Variants in COX16 observed in about 807,000 individuals in gnomAD.
The protein encoded by COX16 is cytochrome c oxidase assembly protein COX16 homolog, mitochondrial.
Under a neutral mutation model 15.4 loss-of-function variants are expected in COX16, and 12 were observed. That is an observed-to-expected ratio of 0.78 (90% CI 0.50 to 1.26). The LOEUF (loss-of-function observed/expected upper bound fraction) is 1.26. Ranked by LOEUF, COX16 falls within the 50% of genes most tolerant of loss-of-function variation. COX16 has a pLI of 0.00. For missense variants in COX16, 124 were observed against 127.6 expected (o/e 0.97, Z 0.14); for synonymous variants, 46 against 41.1 (o/e 1.12, Z -0.46).
At chr14:70,336,843 C>T (rs1169373338) in intron 2 of COX16, among the ~76,000 whole-genome samples, 2 of 152,252 alleles carry the variant, frequency 1.3e-5, no homozygotes, top group South Asian at 4.1e-4. Flanking sequence ...ATTTTCTGTA[C>T]AAAATTTATC....
At chr14:70,328,601 TTCA>T (rs1886170621) in intron 3 of COX16, among the ~76,000 whole-genome samples, 1 of 142,658 alleles carries the variant, frequency 7.0e-6, no homozygotes, top group Non-Finnish European at 1.5e-5. Flanking sequence ...TGAGCATCTC[TTCA>T]TATGTTTAAG....
intron 3 of COX16, among the ~76,000 whole-genome samples, chr14:70,328,717 TG>T (rs1886175642): frequency 6.6e-6 from 1 of 152,234 alleles, no homozygotes; most frequent in African/African-American, 2.4e-5. Flanking sequence ...GATTTGGAGA[TG>T]GTCTTCATAT....
At chr14:70,333,046 C>T (rs942302282) in intron 2 of COX16, among the ~76,000 whole-genome samples, 1 of 152,194 alleles carries the variant, frequency 6.6e-6, no homozygotes, top group African/African-American at 2.4e-5. Flanking sequence ...TGGACACAGG[C>T]TCAGGGAAGA....
chr14:70,342,869 ATTCATCTTTTAG>A, intron 1 of COX16, 140 bp from the exon 2 acceptor site: 1 of 860,312 alleles, frequency 1.2e-6, no homozygotes, highest in Non-Finnish European at 1.8e-6. Flanking sequence ...GTGAGTCACC[ATTCATCTTTTAG>A]AGTAAATGCA....
intron 2 of COX16, among the ~76,000 whole-genome samples, chr14:70,332,278 A>C (rs1886314167): frequency 6.6e-6 from 1 of 152,186 alleles, no homozygotes; most frequent in African/African-American, 2.4e-5. Context: ...CCAAAGGGAG[A>C]CTCAACATAT....
At chr14:70,326,471 A>C (rs770646986) in intron 3 of COX16, 22 bp from the exon 4 acceptor site, 1 of 1,549,440 alleles carries the variant, frequency 6.5e-7, no homozygotes, top group Admixed American at 2.1e-5. Flanking sequence ...CAAAAAATTA[A>C]AGTATAAATA....
At chr14:70,337,414 C>T (rs78267123) in intron 2 of COX16, among the ~76,000 whole-genome samples, 10,864 of 152,042 alleles carry the variant, frequency 0.071, 445 homozygotes, top group Middle Eastern at 0.11. Flanking sequence ...TGAAGTCAAG[C>T]CAGGACCTGG....
intron 2 of COX16, among the ~76,000 whole-genome samples, chr14:70,342,328 C>G (rs572709586): frequency 4.6e-5 from 7 of 152,260 alleles, no homozygotes; most frequent in Admixed American, 4.6e-4. Flanking sequence ...CACCTGTAAT[C>G]TCAGCTACTC....
intron 1 of COX16, among the ~76,000 whole-genome samples, chr14:70,352,462 C>T (rs1566605946): frequency 6.6e-6 from 1 of 152,198 alleles, no homozygotes; most frequent in African/African-American, 2.4e-5. Flanking sequence ...GCTGGGATTA[C>T]AGGCATGAGC....
chr14:70,347,690 G>A (rs1301280190), intron 1 of COX16, among the ~76,000 whole-genome samples: 1 of 152,088 alleles, frequency 6.6e-6, no homozygotes, highest in African/African-American at 2.4e-5. Context: ...GAGGTATCGG[G>A]TCTCCCCTAA....
chr14:70,355,883 G>T (rs190630895), intron 1 of COX16, among the ~76,000 whole-genome samples: 158 of 152,164 alleles, frequency 1.0e-3, no homozygotes, highest in Middle Eastern at 3.4e-3. Flanking sequence ...TAATGAGTGA[G>T]TTCTCACTCT....
At chr14:70,349,243 C>T (rs1480766193) in intron 1 of COX16, among the ~76,000 whole-genome samples, 1 of 152,234 alleles carries the variant, frequency 6.6e-6, no homozygotes. Context: ...CTCCCTCCGG[C>T]CACCGCCTTT....
chr14:70,328,805 T>G (rs982577956), intron 3 of COX16, among the ~76,000 whole-genome samples: 1 of 151,908 alleles, frequency 6.6e-6, no homozygotes, highest in Non-Finnish European at 1.5e-5. Flanking sequence ...CTTTATATAC[T>G]TTTTTCATTC....
At chr14:70,344,832 T>A (rs188026154) in intron 1 of COX16, among the ~76,000 whole-genome samples, 12 of 152,220 alleles carry the variant, frequency 7.9e-5, no homozygotes, top group Non-Finnish European at 1.3e-4. Flanking sequence ...GCCATCCAGG[T>A]ACAACAGAGC....
chr14:70,346,113 T>TC (rs1566603267), intron 1 of COX16, among the ~76,000 whole-genome samples: 1 of 151,674 alleles, frequency 6.6e-6, no homozygotes, highest in South Asian at 2.1e-4. Context: ...TAACCCTCCT[T>TC]CCCCCTTCAA....
At chr14:70,359,156 A>G (rs545764136) in intron 1 of COX16, 2 of 466,218 alleles carry the variant, frequency 4.3e-6, no homozygotes, top group Admixed American at 4.7e-5. Flanking sequence ...CAAGCTTAGT[A>G]ATCATCCAAA....
Position 70,326,329 on chromosome 14 carries a change from A to G in COX16, c.*4T>C. 5.5e-6 allele frequency: 8 copies of G among 1,464,088 alleles called. No individual in the cohort carries two copies. The highest frequency in any genetic ancestry group is 7.2e-6 in the Non-Finnish European group (8 of 1,108,050). The allele number at this position is 1,464,088 out of a possible 1,614,324, so 90.7% of individuals were successfully genotyped here. A position where few individuals can be genotyped will look rare whatever the true frequency, so the allele number is the denominator to read the frequency against. On this transcript the variant is annotated 3_prime_UTR_variant, in exon 4 of 4. Transcript: ENST00000389912. ...AAAAAAAAAGGAAAAAAGAATCAGC[A>G]GAGTCAAGTTGTCTTAGTCTTAAGG...
chr14:70,356,954 C>T lies in COX16; in HGVS notation c.69+2565G>A, dbSNP rs534029349. ...CAAGCTCCGTAACAACCATGAAAAC[C>T]AACAGCCTGCAAACATGATGTAAAG... On this transcript the variant is annotated intron_variant, in intron 1 of 3. Transcript: ENST00000389912. 1.5e-4 allele frequency among the ~76,000 whole-genome samples: 23 copies of T among 151,872 alleles called. 1 individual carries two copies. Among genetic ancestry groups the T allele is most frequent in the Admixed American group, 1.4e-3 (22 of 15,256 alleles).
At chr14:70,329,071 A>C in intron 3 of COX16, 103 bp downstream of exon 3, 1 of 984,366 alleles carries the variant, frequency 1.0e-6, no homozygotes, top group Non-Finnish European at 1.4e-6. Context: ...ATCAAATACC[A>C]TATATATTCA....
Sources: gnomAD v4.1 joint callset for allele counts (sites outside exome capture counted in the v4.1 genomes callset) on GRCh38, gnomAD v4.1.1 for gene constraint, MANE v1.5 for transcripts, NCBI Gene and HGNC (gene_info 2026-07-23, HGNC 2026-07-21) for gene names.